The following AFG3L2 variants were observed in gnomAD, a reference collection of about 807,000 sequenced individuals.
The protein encoded by AFG3L2 is mitochondrial inner membrane m-AAA protease component AFG3L2.
A neutral mutation model predicts 94.5 loss-of-function variants in AFG3L2; 54 were observed. The ratio of observed to expected loss-of-function variants is 0.57; its 90% CI spans 0.46 to 0.72. AFG3L2 has a LOEUF of 0.72. Among genes scored for constraint, AFG3L2 ranks in the 30% least tolerant of loss-of-function variants. AFG3L2 has a pLI of 0.00. For synonymous variants in AFG3L2, 377 were observed against 365.5 expected, an observed-to-expected ratio of 1.03 and a Z score of -0.36; for missense variants, 754 against 994.9, an observed-to-expected ratio of 0.76 and a Z score of 3.26.
intron 16 of AFG3L2, among the ~76,000 whole-genome samples, chr18:12,335,399 A>C (rs1907710143): frequency 6.6e-6 from 1 of 152,142 alleles, no homozygotes; most frequent in African/African-American, 2.4e-5. Flanking sequence ...GGCAAAAATC[A>C]AGAATGCGAC....
In AFG3L2 at chr18:12,377,130, C is replaced by A; in HGVS notation, c.-48G>T. ...GCCCGGGACGCTGCGCAGGCGCGGG[C>A]AGGCGACGACTGGCGGCCTCGGGAA... On this transcript the variant is annotated 5_prime_UTR_variant, in exon 1 of 17. Transcript: ENST00000269143. 1.5e-6 allele frequency: 2 copies of A among 1,301,810 alleles called. No individual in the cohort carries two copies. Among genetic ancestry groups the A allele is most frequent in the South Asian group, 1.6e-5 (1 of 64,266 alleles). The allele number at this position is 1,301,810 out of a possible 1,614,324, so 80.6% of individuals were successfully genotyped here.
intron 8 of AFG3L2, among the ~76,000 whole-genome samples, chr18:12,358,028 A>C (rs1042633576): frequency 6.6e-6 from 1 of 152,248 alleles, no homozygotes; most frequent in Non-Finnish European, 1.5e-5. Flanking sequence ...GGAAATGATT[A>C]TCTTTCAAAG....
chr18:12,329,589 G>A lies in AFG3L2; in HGVS notation c.2370C>T (p.Pro790=). 6.2e-7 allele frequency: 1 copy of A among 1,614,014 alleles called. No homozygotes were observed. Among genetic ancestry groups the A allele is most frequent in the Non-Finnish European group, 8.5e-7 (1 of 1,180,024 alleles). ...TCTAGTTGGCAACTTTCTCACCCGG[G>A]GGCTCCTCTTTCTCCTTTTCCCGCT... ...NKEREKEKEE[P]PGEKVAN is the part of the protein sequence containing the mutation. Residue 790 remains proline, a synonymous_variant, in exon 17 of 17, where the codon CCC becomes CCT. Transcript: ENST00000269143.
chr18:12,358,290 A>G (rs1908555098), intron 8 of AFG3L2, among the ~76,000 whole-genome samples: 1 of 152,200 alleles, frequency 6.6e-6, no homozygotes, highest in African/African-American at 2.4e-5. Context: ...CAGCGCCAGC[A>G]CAGGTGTCCT....
At chr18:12,360,929 A>G (rs1598834746) in intron 6 of AFG3L2, among the ~76,000 whole-genome samples, 1 of 152,222 alleles carries the variant, frequency 6.6e-6, no homozygotes, top group Non-Finnish European at 1.5e-5. Context: ...GCTCACATTT[A>G]TGGAGTTTAC....
chr18:12,366,056 T>C (rs968210401), intron 5 of AFG3L2, among the ~76,000 whole-genome samples: 24 of 151,974 alleles, frequency 1.6e-4, no homozygotes, highest in African/African-American at 5.6e-4. Flanking sequence ...TTGTATTTTT[T>C]AGTAGATTCG....
intron 16 of AFG3L2, 27 bp from the exon 17 acceptor site, chr18:12,329,810 TAC>T (rs772208016): frequency 6.4e-7 from 1 of 1,572,370 alleles, no homozygotes; most frequent in Admixed American, 1.7e-5. Context: ...TTTCATTAAA[TAC>T]AGTTACTCAG....
intron 15 of AFG3L2, among the ~76,000 whole-genome samples, chr18:12,338,357 GC>G (rs1345616277): frequency 2.0e-5 from 3 of 152,160 alleles, no homozygotes; most frequent in African/African-American, 7.2e-5. Context: ...TGCCACTCAC[GC>G]TGAGAACATG....
intron 5 of AFG3L2, among the ~76,000 whole-genome samples, chr18:12,366,401 C>T (rs1453784741): frequency 6.6e-6 from 1 of 152,100 alleles, no homozygotes; most frequent in African/African-American, 2.4e-5. Flanking sequence ...ATGGGCAAGC[C>T]CAGCAGACAG....
At chr18:12,363,348 T>C (rs1476443857) in intron 6 of AFG3L2, among the ~76,000 whole-genome samples, 1 of 152,144 alleles carries the variant, frequency 6.6e-6, no homozygotes, top group East Asian at 1.9e-4. Flanking sequence ...CAAATGGAAA[T>C]TAAAACAATA....
chr18:12,358,283 C>A (rs1908554732), intron 8 of AFG3L2, among the ~76,000 whole-genome samples: 1 of 152,198 alleles, frequency 6.6e-6, no homozygotes, highest in Admixed American at 6.5e-5. Flanking sequence ...TGAACCTCAG[C>A]GCCAGCACAG....
Position 12,374,350 on chromosome 18 carries a change from TA to T in AFG3L2, c.114+2618del, listed in dbSNP as rs1407173489. 2.0e-5 allele frequency among the ~76,000 whole-genome samples: 3 copies of T among 152,346 alleles called. No individual in the cohort carries two copies. In the South Asian group the frequency reaches 6.2e-4, roughly 32 times the overall value. ...TTTTCAGTTGCTTTATCATCAGTCT[TA>T]TTCCTCTGGGCATCACACCTGAGAA... On this transcript the variant is annotated intron_variant, in intron 1 of 16. Coordinates refer to ENST00000269143, the MANE Select transcript of AFG3L2 (RefSeq NM_006796.3).
At chr18:12,366,728 C>T (rs1908818755) in intron 5 of AFG3L2, among the ~76,000 whole-genome samples, 1 of 152,152 alleles carries the variant, frequency 6.6e-6, no homozygotes, top group Admixed American at 6.5e-5. Flanking sequence ...AGCAGTGGTT[C>T]CAAAACCCAG....
At chr18:12,369,607 G>A (rs1478266456) in intron 3 of AFG3L2, among the ~76,000 whole-genome samples, 1 of 151,630 alleles carries the variant, frequency 6.6e-6, no homozygotes, top group Non-Finnish European at 1.5e-5. Flanking sequence ...TATAATCCCA[G>A]CTACTGTGGA....
intron 5 of AFG3L2, among the ~76,000 whole-genome samples, chr18:12,366,390 C>T (rs1056557740): frequency 3.3e-5 from 5 of 152,186 alleles, no homozygotes; most frequent in Non-Finnish European, 5.9e-5. Flanking sequence ...TATAGTCACA[C>T]ATGGGCAAGC....
chr18:12,333,287 AATAT>A (rs1442059239), intron 16 of AFG3L2, among the ~76,000 whole-genome samples: 3 of 130,528 alleles, frequency 2.3e-5, no homozygotes, highest in Admixed American at 9.1e-5. Flanking sequence ...GATTATATAT[AATAT>A]ATAAATATAT....
chr18:12,354,649 A>G (rs967024398), intron 9 of AFG3L2, among the ~76,000 whole-genome samples: 2 of 152,076 alleles, frequency 1.3e-5, no homozygotes, highest in African/African-American at 4.8e-5. Flanking sequence ...CTTTTAAACC[A>G]CCATCTTCAA....
chr18:12,339,151 G>C (rs1362912478), intron 15 of AFG3L2, among the ~76,000 whole-genome samples: 1 of 143,894 alleles, frequency 6.9e-6, no homozygotes, highest in Non-Finnish European at 1.5e-5. Flanking sequence ...TGAGGCAGGA[G>C]AATGGCGTGA....
intron 13 of AFG3L2, among the ~76,000 whole-genome samples, chr18:12,344,535 G>A (rs1025815410): frequency 2.0e-5 from 3 of 151,962 alleles, no homozygotes; most frequent in Middle Eastern, 3.2e-3. Flanking sequence ...TTAGCCAGGC[G>A]TCGTGGTGAG....
Sources: allele counts gnomAD v4.1 joint callset (sites outside exome capture counted in the v4.1 genomes callset), GRCh38; gene constraint gnomAD v4.1.1; transcripts MANE v1.5; gene names NCBI Gene and HGNC (gene_info 2026-07-23, HGNC 2026-07-21).